Variants in SRGAP2C observed in about 807,000 individuals in gnomAD.
SRGAP2C encodes SLIT-ROBO Rho GTPase activating protein 2C.
A neutral mutation model predicts 25.1 loss-of-function variants in SRGAP2C; 15 were observed. The ratio of observed to expected loss-of-function variants is 0.60; its 90% confidence interval spans 0.40 to 0.92. The LOEUF is 0.92. Among genes scored for constraint, SRGAP2C ranks in the 40% least tolerant of loss-of-function variants. SRGAP2C has a pLI of 0.00. For missense variants in SRGAP2C, 144 were observed against 264.4 expected (o/e 0.54, Z 3.16); for synonymous variants, 44 against 96.6 (o/e 0.46, Z 3.19).
chr1:121,324,824 T>C, intron 4 of SRGAP2C, among the ~76,000 whole-genome samples, 184 bp downstream of exon 4: 2 of 150,020 alleles, frequency 1.3e-5, no homozygotes, highest in South Asian at 2.1e-4. Context: ...AAAATAAAAG[T>C]TGGAAAGAAA....
At chr1:121,286,414 C>T (rs1272121369) in intron 3 of SRGAP2C, among the ~76,000 whole-genome samples, 1 of 151,404 alleles carries the variant, frequency 6.6e-6, no homozygotes, top group African/African-American at 2.4e-5. Context: ...TCATACCCAG[C>T]TATTTTTATT....
intron 2 of SRGAP2C, among the ~76,000 whole-genome samples, chr1:121,213,347 C>T (rs1362227025): frequency 3.4e-5 from 5 of 148,704 alleles, no homozygotes; most frequent in East Asian, 2.0e-4. Context: ...TGCCCGGCCT[C>T]GTTTCCTAAT....
intron 2 of SRGAP2C, among the ~76,000 whole-genome samples, chr1:121,196,949 T>G (rs1178971025): frequency 6.6e-6 from 1 of 151,432 alleles, no homozygotes; most frequent in East Asian, 2.0e-4. Context: ...TAAAAACTCA[T>G]TTTTTTTTGC....
At chr1:121,293,418 TATGGCAACG>T (rs1424018002) in intron 3 of SRGAP2C, among the ~76,000 whole-genome samples, 4 of 136,860 alleles carry the variant, frequency 2.9e-5, no homozygotes, top group Non-Finnish European at 4.7e-5. Context: ...GAAGGGTAAC[TATGGCAACG>T]ATGCATATGA....
intron 4 of SRGAP2C, among the ~76,000 whole-genome samples, chr1:121,352,980 C>T (rs1185820034): frequency 6.0e-5 from 9 of 149,724 alleles, no homozygotes; most frequent in Non-Finnish European, 1.3e-4. Context: ...GTCCCAGCTA[C>T]TTGGGAGGCT....
chr1:121,228,818 C>T (rs1478838853), intron 2 of SRGAP2C, among the ~76,000 whole-genome samples: 3 of 151,020 alleles, frequency 2.0e-5, no homozygotes, highest in Non-Finnish European at 2.9e-5. Context: ...TGTCAAGATG[C>T]TGGCCCCAAA....
chr1:121,318,922 CT>C (rs1658140550), intron 3 of SRGAP2C, among the ~76,000 whole-genome samples: 1 of 151,404 alleles, frequency 6.6e-6, no homozygotes, highest in Non-Finnish European at 1.5e-5. Context: ...TTCCCAGAGC[CT>C]TATGGCTGCT....
At chr1:121,186,642 C>T (rs1480189810) in intron 1 of SRGAP2C, among the ~76,000 whole-genome samples, 2 of 151,686 alleles carry the variant, frequency 1.3e-5, no homozygotes, top group Non-Finnish European at 2.9e-5. Flanking sequence ...GCCGCATTCC[C>T]CGCCCGGTGC....
intron 2 of SRGAP2C, among the ~76,000 whole-genome samples, chr1:121,195,221 G>T (rs1464322771): frequency 6.6e-6 from 1 of 152,120 alleles, no homozygotes; most frequent in Non-Finnish European, 1.5e-5. Context: ...GACCAGCCTG[G>T]CCAACATGGT....
At chr1:121,285,404 T>TCACACACA (rs1343653361) in intron 3 of SRGAP2C, among the ~76,000 whole-genome samples, 21 of 124,486 alleles carry the variant, frequency 1.7e-4, no homozygotes, top group African/African-American at 2.9e-4. Flanking sequence ...TCTCTCTCTC[T>TCACACACA]CACACACACA....
At chr1:121,215,952 A>G (rs1205557373) in intron 2 of SRGAP2C, among the ~76,000 whole-genome samples, 1 of 152,124 alleles carries the variant, frequency 6.6e-6, no homozygotes, top group African/African-American at 2.4e-5. Flanking sequence ...CCTGGCCTCC[A>G]TCTTTACTTT....
chr1:121,341,083 T>C (rs1364728007), intron 4 of SRGAP2C, among the ~76,000 whole-genome samples: 1 of 79,616 alleles, frequency 1.3e-5, no homozygotes, highest in African/African-American at 6.0e-5. Context: ...GAAGAAACTA[T>C]ATAGGAGCCT....
At chr1:121,278,084 G>A (rs1304201408) in intron 2 of SRGAP2C, among the ~76,000 whole-genome samples, 33 of 150,964 alleles carry the variant, frequency 2.2e-4, no homozygotes, top group Non-Finnish European at 4.0e-4. Flanking sequence ...GGGACTAAAG[G>A]CATGCACCAC....
intron 2 of SRGAP2C, among the ~76,000 whole-genome samples, chr1:121,259,446 C>T (rs1473425775): frequency 8.1e-6 from 1 of 123,798 alleles, no homozygotes; most frequent in Non-Finnish European, 1.7e-5. Context: ...TGCCACTGCA[C>T]TCCAGCCTGG....
intron 2 of SRGAP2C, among the ~76,000 whole-genome samples, chr1:121,223,351 TTGTGTGTGTGTGTG>T (rs56123915): frequency 2.3e-4 from 15 of 64,824 alleles, no homozygotes; most frequent in African/African-American, 5.1e-4. Flanking sequence ...TGGGAGGAGT[TTGTGTGTGTGTGTG>T]TGTGTGTGTG....
intron 2 of SRGAP2C, among the ~76,000 whole-genome samples, chr1:121,272,961 C>T (rs1570754595): frequency 6.7e-6 from 1 of 150,288 alleles, no homozygotes; most frequent in African/African-American, 2.4e-5. Context: ...CTATTACAAA[C>T]TCCATTTTGT....
At chr1:121,355,354 G>C (rs1394191494) in intron 4 of SRGAP2C, among the ~76,000 whole-genome samples, 16 of 65,040 alleles carry the variant, frequency 2.5e-4, no homozygotes, top group African/African-American at 9.2e-4. Flanking sequence ...GTTTCGCTCT[G>C]TCACCCAGGC....
chr1:121,207,484 C>A (rs1570704775), intron 2 of SRGAP2C, among the ~76,000 whole-genome samples: 1 of 151,904 alleles, frequency 6.6e-6, no homozygotes, highest in Admixed American at 6.6e-5. Flanking sequence ...CTTTTAAAGG[C>A]AGCCTGGGGA....
At chr1:121,334,527 T>G (rs2101618993) in intron 4 of SRGAP2C, among the ~76,000 whole-genome samples, 1 of 143,604 alleles carries the variant, frequency 7.0e-6, no homozygotes, top group East Asian at 2.2e-4. Flanking sequence ...TGTTGCATGA[T>G]TACAGCTCAC....
Sources: allele counts gnomAD v4.1 joint callset (sites outside exome capture counted in the v4.1 genomes callset), GRCh38; gene constraint gnomAD v4.1.1; transcripts MANE v1.5; gene names NCBI Gene and HGNC (gene_info 2026-07-23, HGNC 2026-07-21).